Variants in MAPK6 observed in about 807,000 individuals in gnomAD.
MAPK6 encodes ERK-3.
A neutral mutation model predicts 59.3 loss-of-function variants in MAPK6; 19 were observed. The observed-to-expected ratio is 0.32, with a 90% CI of 0.22 to 0.47. The LOEUF is 0.47. Ranked by LOEUF, MAPK6 falls within the 20% of genes least tolerant of loss-of-function variation. MAPK6 has a pLI of 1.00. For synonymous variants in MAPK6, 316 were observed against 290.3 expected, an observed-to-expected ratio of 1.09 and a Z score of -0.90; for missense variants, 724 against 847.9, an observed-to-expected ratio of 0.85 and a Z score of 1.81.
chr15:52,035,621 C>T (rs1174416962), intron 1 of MAPK6: 2 of 142,826 alleles, frequency 1.4e-5, no homozygotes, highest in East Asian at 2.1e-4. Context: ...GAGACACCAT[C>T]TTAAAAAAAA....
upstream of MAPK6, among the ~76,000 whole-genome samples, chr15:52,014,883 C>A (rs2030189491): frequency 6.6e-6 from 1 of 152,166 alleles, no homozygotes; most frequent in African/African-American, 2.4e-5. Context: ...CTGGGCAATG[C>A]TCTCTTATTT....
At chr15:52,001,798 C>T (rs990014863) in intron 2 of MAPK6, among the ~76,000 whole-genome samples, 1 of 152,114 alleles carries the variant, frequency 6.6e-6, no homozygotes, top group East Asian at 1.9e-4. Context: ...CGTGATCCGC[C>T]ACTCCTGGCC....
chr15:51,986,376 G>GT (rs375549931), intron 2 of MAPK6, among the ~76,000 whole-genome samples: 2,772 of 144,840 alleles, frequency 0.019, 31 homozygotes, highest in African/African-American at 0.043. Context: ...TCCCAATTTC[G>GT]TTTTTTTTTT....
At chr15:52,027,243 G>A (rs772126122) in intron 1 of MAPK6, among the ~76,000 whole-genome samples, 9 of 142,910 alleles carry the variant, frequency 6.3e-5, no homozygotes, top group African/African-American at 1.0e-4. Context: ...CCAGCTACTC[G>A]GGAGGCTGAG....
upstream of MAPK6, chr15:52,017,299 T>C (rs2030299407): frequency 6.6e-6 from 1 of 151,746 alleles, no homozygotes; most frequent in Non-Finnish European, 1.5e-5. Flanking sequence ...TTAAGAGCAA[T>C]GGTTTGGGGG....
At chr15:51,977,498 C>G (rs2057160808) in intron 1 of MAPK6, among the ~76,000 whole-genome samples, 1 of 151,630 alleles carries the variant, frequency 6.6e-6, no homozygotes, top group South Asian at 2.1e-4. Flanking sequence ...TTATCGCCCT[C>G]CTACAGTTCC....
At chr15:52,054,801 C>T (rs1271319040) in intron 3 of MAPK6, among the ~76,000 whole-genome samples, 12 of 150,432 alleles carry the variant, frequency 8.0e-5, no homozygotes, top group African/African-American at 2.7e-4. Flanking sequence ...TTTTTTTTTC[C>T]GAGACTGAGT....
chr15:52,013,564 C>T (rs2030151260), intron 3 of MAPK6, among the ~76,000 whole-genome samples: 1 of 152,172 alleles, frequency 6.6e-6, no homozygotes, highest in Non-Finnish European at 1.5e-5. Flanking sequence ...TCTAAGCATT[C>T]ACCAAGTCCA....
At chr15:51,996,671 CA>C (rs1249258444) in intron 2 of MAPK6, among the ~76,000 whole-genome samples, 1 of 151,900 alleles carries the variant, frequency 6.6e-6, no homozygotes, top group Non-Finnish European at 1.5e-5. Flanking sequence ...ACTAAGACTA[CA>C]AGCATGAGCC....
intron 2 of MAPK6, among the ~76,000 whole-genome samples, chr15:51,985,439 G>C (rs1410503127): frequency 1.3e-5 from 2 of 151,480 alleles, no homozygotes; most frequent in East Asian, 1.9e-4. Context: ...CAGATCACTT[G>C]AGGTCAGAAG....
At chr15:52,051,743 G>A (rs146179273) in intron 3 of MAPK6, among the ~76,000 whole-genome samples, 1,578 of 151,668 alleles carry the variant, frequency 0.01, 17 homozygotes, top group Non-Finnish European at 0.013. Flanking sequence ...GCATGGTGGC[G>A]CACGCCTGTA....
chr15:51,972,113 C>G (rs1451914320), intron 1 of MAPK6, among the ~76,000 whole-genome samples: 2 of 151,516 alleles, frequency 1.3e-5, no homozygotes, highest in Admixed American at 6.6e-5. Context: ...CAGCTGTTCT[C>G]CAGTTATTTC....
chr15:52,039,610 G>A (rs1337718802), intron 1 of MAPK6, among the ~76,000 whole-genome samples: 1 of 150,278 alleles, frequency 6.7e-6, no homozygotes, highest in Non-Finnish European at 1.5e-5. Flanking sequence ...CCGCCTCCCA[G>A]GTTCAAGCGA....
chr15:52,062,284 C>T (rs137894877), intron 5 of MAPK6, among the ~76,000 whole-genome samples: 229 of 151,896 alleles, frequency 1.5e-3, no homozygotes, highest in African/African-American at 5.5e-3. Flanking sequence ...GCCTTGGCCT[C>T]CCACAGTGCT....
At chr15:52,005,862 C>T (rs558761472) in intron 3 of MAPK6, among the ~76,000 whole-genome samples, 1 of 152,104 alleles carries the variant, frequency 6.6e-6, no homozygotes, top group Admixed American at 6.5e-5. Flanking sequence ...CACAGTGGAG[C>T]CCCCAAGGAT....
At chr15:52,033,700 A>G (rs917652805) in intron 1 of MAPK6, 11 of 152,140 alleles carry the variant, frequency 7.2e-5, no homozygotes, top group African/African-American at 1.4e-4. Flanking sequence ...AGTTCTCCCT[A>G]ATAAGCTCCC....
At chr15:52,015,612 G>T (rs1483506013), upstream of MAPK6, among the ~76,000 whole-genome samples, 3 of 150,496 alleles carry the variant, frequency 2.0e-5, no homozygotes, top group Non-Finnish European at 3.0e-5. Context: ...TAAGTAGCTG[G>T]GTGGCGCACG....
chr15:51,993,055 T>TG (rs1042958205), intron 2 of MAPK6, among the ~76,000 whole-genome samples: 6 of 151,980 alleles, frequency 3.9e-5, no homozygotes, highest in African/African-American at 7.3e-5. Flanking sequence ...CTATGGTTGG[T>TG]GGGGGGGTAA....
intron 2 of MAPK6, among the ~76,000 whole-genome samples, chr15:51,987,309 A>G (rs950495305): frequency 1.3e-5 from 2 of 152,196 alleles, no homozygotes; most frequent in African/African-American, 4.8e-5. Context: ...CCTACCTTTA[A>G]AATCCACCTA....
Sources: allele counts gnomAD v4.1 joint callset (sites outside exome capture counted in the v4.1 genomes callset), GRCh38; gene constraint gnomAD v4.1.1; transcripts MANE v1.5; gene names NCBI Gene and HGNC (gene_info 2026-07-23, HGNC 2026-07-21).